Variants in WTIP observed in about 807,000 individuals in gnomAD.
WTIP encodes WT1 interacting protein.
WTIP carries 23 observed loss-of-function variants against 41.7 expected under a neutral mutation model. The observed-to-expected ratio is 0.55, with a 90% CI of 0.40 to 0.78. WTIP has a LOEUF of 0.78. Among genes scored for constraint, WTIP ranks in the 30% least tolerant of loss-of-function variants. The pLI is 0.00. For missense variants in WTIP, 619 were observed against 610.5 expected, an observed-to-expected ratio of 1.01 and a Z score of -0.15; for synonymous variants, 314 against 269.9, an observed-to-expected ratio of 1.16 and a Z score of -1.60.
At chr19:34,492,837 C>G (rs1006830359) in intron 2 of WTIP, among the ~76,000 whole-genome samples, 200 bp from the exon 3 acceptor site, 1 of 152,086 alleles carries the variant, frequency 6.6e-6, no homozygotes, top group Non-Finnish European at 1.5e-5. Flanking sequence ...TTAAATAACT[C>G]TGTCGACAAT....
chr19:34,490,660 G>A (rs537148020), intron 2 of WTIP, among the ~76,000 whole-genome samples, 183 bp downstream of exon 2: 1 of 152,314 alleles, frequency 6.6e-6, no homozygotes, highest in East Asian at 1.9e-4. Flanking sequence ...TTTGCTGGCT[G>A]TAGGACAGGG....
chr19:34,499,246 C>T (rs1317281533), intron 7 of WTIP, among the ~76,000 whole-genome samples: 1 of 151,514 alleles, frequency 6.6e-6, no homozygotes, highest in African/African-American at 2.4e-5. Context: ...CACGGTGGCT[C>T]ATGCCTGTAA....
At chr19:34,483,352 C>T (rs983218204) in intron 1 of WTIP, among the ~76,000 whole-genome samples, 4 of 152,024 alleles carry the variant, frequency 2.6e-5, no homozygotes, top group African/African-American at 4.8e-5. Context: ...GTTTGGTGCT[C>T]TCATTCTATC....
At position 34,503,300 on chromosome 19, in the gene WTIP, G is replaced by C. The variant is rs963729430; in HGVS notation, c.*3031G>C. 3 of 151,506 alleles carry C rather than the reference G, an allele frequency of 2.0e-5. No homozygotes were observed. The highest frequency in any genetic ancestry group is 2.9e-5 in the Non-Finnish European group (2 of 67,940). The allele number at this position is 151,506 out of a possible 1,614,324, so 9.4% of individuals were successfully genotyped here. A position where few individuals can be genotyped will look rare whatever the true frequency, so the allele number is the denominator to read the frequency against. On this transcript the variant is annotated 3_prime_UTR_variant, in exon 8 of 8. Coordinates refer to ENST00000590071, the MANE Select transcript of WTIP (RefSeq NM_001080436.2). Reference sequence around the variant, plus strand: ...GGAGCTGTGCATGGCAGTTCCCTCCGTGGGAGCCACTCTCCCGGGGTTTCT... The same window carrying C: ...GGAGCTGTGCATGGCAGTTCCCTCCCTGGGAGCCACTCTCCCGGGGTTTCT...
chr19:34,483,600 C>G (rs963460376), intron 1 of WTIP, among the ~76,000 whole-genome samples: 1 of 152,202 alleles, frequency 6.6e-6, no homozygotes, highest in Non-Finnish European at 1.5e-5. Context: ...CCGGACTGTG[C>G]TGTGGACATA....
chr19:34,489,350 G>C (rs1599954508), intron 1 of WTIP, among the ~76,000 whole-genome samples: 1 of 152,082 alleles, frequency 6.6e-6, no homozygotes, highest in African/African-American at 2.4e-5. Flanking sequence ...AGTGGTGCCT[G>C]ACCTTAGGGG....
rs2075837543 is a variant in WTIP, at chr19:34,493,581, G to A, written c.990G>A (p.Val330=). ...NECLDGVPFT[V]DVENNIYCVR... Reference sequence around the variant, plus strand: ...GCCTGGACGGGGTTCCCTTCACCGTGGACGTGGAGAACAACATCTACTGCG... The same window carrying A: ...GCCTGGACGGGGTTCCCTTCACCGTAGACGTGGAGAACAACATCTACTGCG... The change falls in exon 5 of 8, where the codon GTG becomes GTA. Residue 330 remains valine, a synonymous_variant. Transcript: ENST00000590071. This position sits in a 1 kb window ranked among gnomAD's most constrained non-coding sequence, Gnocchi z 4.1. The A allele has an allele frequency of 1.2e-6, 2 of 1,613,560 alleles. No homozygotes were observed. Among genetic ancestry groups the A allele is most frequent in the Non-Finnish European group, 1.7e-6 (2 of 1,179,902 alleles).
chr19:34,500,564 C>T lies in WTIP; in HGVS notation c.*295C>T, dbSNP rs911896652. On this transcript the variant is annotated 3_prime_UTR_variant, in exon 8 of 8. Coordinates refer to ENST00000590071, the MANE Select transcript of WTIP (RefSeq NM_001080436.2). ...GTGGGTCACCAGGCTGGAGAGGGCC[C>T]CTGCCTTGGCCAGGGGTGCGAGGTG... The T allele has an allele frequency of 1.7e-5, 6 of 349,484 alleles. 1 individual carries two copies. In the Middle Eastern group the frequency reaches 2.2e-3, roughly 130 times the overall value. The allele number at this position is 349,484 out of a possible 1,614,324, so 21.6% of individuals were successfully genotyped here.
At position 34,495,571 on chromosome 19, in the gene WTIP, C is replaced by T. The variant is rs1016796775; in HGVS notation, c.1084-132C>T. ...AGCCTGTCCCGCCCCACAGAAGCAGCGTGGCAGTGCTCCCCGGGGCGGGCG... is the reference window on the plus strand; with the variant it reads ...AGCCTGTCCCGCCCCACAGAAGCAGTGTGGCAGTGCTCCCCGGGGCGGGCG... On this transcript the variant is annotated intron_variant, in intron 6 of 7. Coordinates refer to ENST00000590071, the MANE Select transcript of WTIP (RefSeq NM_001080436.2). 35 of 908,786 alleles carry T rather than the reference C, an allele frequency of 3.9e-5. No homozygotes were observed. In the East Asian group the frequency reaches 4.0e-4, roughly 10 times the overall value. The allele number at this position is 908,786 out of a possible 1,614,324, so 56.3% of individuals were successfully genotyped here. A position where few individuals can be genotyped will look rare whatever the true frequency, so the allele number is the denominator to read the frequency against.
chr19:34,482,143 G>A lies in WTIP; in HGVS notation c.169G>A (p.Gly57Ser), dbSNP rs1346319791. Residue 57 changes from glycine to serine, a missense_variant, in exon 1 of 8, where the codon GGC (glycine) becomes AGC (serine). Around this residue, in one of 3 missense-constraint regions of WTIP, gnomAD observed 363 missense variants for 309.0 expected, o/e 1.17. Coordinates refer to ENST00000590071, the MANE Select transcript of WTIP (RefSeq NM_001080436.2). Reference sequence around the variant, plus strand: ...GCTGGGCCGCAGAGGGAAGGGCAGCGGCGGCCCCGAGGCCGGGGCGGACGG... The same window carrying A: ...GCTGGGCCGCAGAGGGAAGGGCAGCAGCGGCCCCGAGGCCGGGGCGGACGG... The part of the protein sequence containing the change: ...PALGRRGKGS[G>S]GPEAGADGLS... 3 of 1,061,504 alleles carry A rather than the reference G, an allele frequency of 2.8e-6. No homozygotes were observed. Among genetic ancestry groups the A allele is most frequent in the East Asian group, 7.2e-5 (1 of 13,846 alleles). 65.8% of individuals were successfully genotyped at this position (1,061,504 alleles called of 1,614,324 possible).
Position 34,508,298 on chromosome 19 carries a change from C to T in WTIP, c.*8029C>T, listed in dbSNP as rs188600523. 2 of 152,058 alleles carry T rather than the reference C, an allele frequency of 1.3e-5. No individual in the cohort carries two copies. Among genetic ancestry groups the T allele is most frequent in the East Asian group, 1.9e-4 (1 of 5,178 alleles). 9.4% of individuals were successfully genotyped at this position (152,058 alleles called of 1,614,324 possible). A position where few individuals can be genotyped will look rare whatever the true frequency, so the allele number is the denominator to read the frequency against. The stretch of plus-strand genomic sequence containing the variant: ...TCATGTTGGCCAGGCTGGTCTCTAA[C>T]TCCTGACCTTAAGTGATCTACCCGC... On this transcript the variant is annotated 3_prime_UTR_variant, in exon 8 of 8. Coordinates refer to ENST00000590071, the MANE Select transcript of WTIP (RefSeq NM_001080436.2).
At chr19:34,496,599 A>G (rs150844063) in intron 7 of WTIP, among the ~76,000 whole-genome samples, 2 of 151,258 alleles carry the variant, frequency 1.3e-5, no homozygotes, top group African/African-American at 4.8e-5. Flanking sequence ...GCCTGGGTTC[A>G]CAGAGGTGGG....
rs1053570817 is a variant in WTIP at position 34,508,461 on chromosome 19, T to A, written c.*8192T>A. ...TGAGTGAAGGTCCCAGTCCACCCTA[T>A]GCAAGCAGAAGCCTCTTTGGTTTTA... On this transcript the variant is annotated 3_prime_UTR_variant, in exon 8 of 8. Coordinates refer to ENST00000590071, the MANE Select transcript of WTIP (RefSeq NM_001080436.2). The A allele has an allele frequency of 1.3e-5, 2 of 152,108 alleles. No individual in the cohort carries two copies. The highest frequency in any genetic ancestry group is 6.6e-5 in the Admixed American group (1 of 15,264). 9.4% of individuals were successfully genotyped at this position (152,108 alleles called of 1,614,324 possible). A position where few individuals can be genotyped will look rare whatever the true frequency, so the allele number is the denominator to read the frequency against.
At chr19:34,494,190 G>A (rs936215850) in intron 5 of WTIP, among the ~76,000 whole-genome samples, 16 of 152,136 alleles carry the variant, frequency 1.1e-4, no homozygotes, top group Admixed American at 1.0e-3. Flanking sequence ...AAACATGGGG[G>A]CAGATGGCAG....
chr19:34,500,074 C>G, intron 7 of WTIP, 55 bp from the exon 8 acceptor site: 2 of 1,583,762 alleles, frequency 1.3e-6, no homozygotes, highest in Non-Finnish European at 1.7e-6. Context: ...GTCCCGTGAC[C>G]TCTGATGTGC....
intron 6 of WTIP, among the ~76,000 whole-genome samples, 157 bp downstream of exon 6, chr19:34,494,794 T>C (rs1166234196): frequency 1.3e-5 from 2 of 152,208 alleles, no homozygotes; most frequent in Non-Finnish European, 2.9e-5. Context: ...GTTGTGCTTG[T>C]GTACGTGGGG....
intron 1 of WTIP, among the ~76,000 whole-genome samples, chr19:34,485,198 T>C (rs2075791333): frequency 6.6e-6 from 1 of 152,182 alleles, no homozygotes; most frequent in Non-Finnish European, 1.5e-5. Flanking sequence ...TTCTCCTGGC[T>C]CAGCCTCCCC....
At chr19:34,490,990 AT>A (rs771220375) in intron 2 of WTIP, among the ~76,000 whole-genome samples, 480 of 139,960 alleles carry the variant, frequency 3.4e-3, no homozygotes, top group Admixed American at 3.4e-3. Context: ...CGCTCGGCTA[AT>A]TTTTTTTTTT....
intron 2 of WTIP, among the ~76,000 whole-genome samples, chr19:34,491,784 A>G (rs553864816): frequency 1.3e-5 from 2 of 152,044 alleles, no homozygotes; most frequent in South Asian, 2.1e-4. Context: ...AGCTGGGACT[A>G]TAGGCGCGCA....
Sources: allele counts gnomAD v4.1 joint callset (sites outside exome capture counted in the v4.1 genomes callset), GRCh38; gene constraint gnomAD v4.1.1; regional missense constraint gnomAD v4.1.1; non-coding constraint Gnocchi (gnomAD v3.1); transcripts MANE v1.5; gene names NCBI Gene and HGNC (gene_info 2026-07-23, HGNC 2026-07-21).